RNF130: variants seen among roughly 807,000 people sequenced by gnomAD.
RNF130 encodes E3 ubiquitin-protein ligase RNF130.
RNF130 carries 21 observed loss-of-function variants against 44.6 expected under a neutral mutation model. That is an observed-to-expected ratio of 0.47 (90% CI 0.33 to 0.68). The LOEUF is 0.68. Ranked by LOEUF, RNF130 falls within the 30% of genes least tolerant of loss-of-function variation. RNF130 has a pLI of 0.02. For synonymous variants in RNF130, 214 were observed against 210.4 expected (o/e 1.02, Z -0.15); for missense variants, 479 against 560.6 (o/e 0.85, Z 1.47).
intron 5 of RNF130, among the ~76,000 whole-genome samples, chr5:179,975,566 T>G (rs1762700333): frequency 6.6e-6 from 1 of 152,182 alleles, no homozygotes; most frequent in Admixed American, 6.5e-5. Context: ...AGTGAGATGG[T>G]GTGCTGTGCT....
At chr5:179,954,781 C>A (rs940281304), downstream of RNF130, among the ~76,000 whole-genome samples, 1 of 152,162 alleles carries the variant, frequency 6.6e-6, no homozygotes, top group African/African-American at 2.4e-5. Flanking sequence ...GGAGTGAACC[C>A]GTTTTCAATA....
chr5:180,018,759 A>G (rs1210171011), intron 2 of RNF130, among the ~76,000 whole-genome samples: 1 of 152,128 alleles, frequency 6.6e-6, no homozygotes, highest in Non-Finnish European at 1.5e-5. Context: ...GCTGACCAAC[A>G]CAGTCCTGCC....
intron 3 of RNF130, among the ~76,000 whole-genome samples, chr5:180,002,937 A>ATTC (rs989132077): frequency 2.6e-5 from 4 of 152,030 alleles, no homozygotes; most frequent in Admixed American, 2.6e-4. Context: ...TATTATTATT[A>ATTC]TTAAGGAATT....
At chr5:179,967,461 T>C (rs1031229509) in intron 6 of RNF130, among the ~76,000 whole-genome samples, 1 of 152,234 alleles carries the variant, frequency 6.6e-6, no homozygotes, top group Non-Finnish European at 1.5e-5. Flanking sequence ...TTTTTAAGTA[T>C]GGTCTGCCTT....
At chr5:179,944,299 T>C (rs1054412063) in intron 7 of RNF130, among the ~76,000 whole-genome samples, 6 of 152,144 alleles carry the variant, frequency 3.9e-5, no homozygotes, top group East Asian at 1.9e-4. Context: ...GTCCTAAGTG[T>C]TCAGTGCTAT....
intron 1 of RNF130, among the ~76,000 whole-genome samples, chr5:180,056,938 A>G (rs1390373788): frequency 6.6e-6 from 1 of 152,274 alleles, no homozygotes; most frequent in African/African-American, 2.4e-5. Flanking sequence ...GATTCCATGT[A>G]TATTGTGATA....
intron 7 of RNF130, among the ~76,000 whole-genome samples, chr5:179,921,587 C>T (rs1761631955): frequency 6.6e-6 from 1 of 152,138 alleles, no homozygotes; most frequent in African/African-American, 2.4e-5. Context: ...CATTTGAGAT[C>T]AGGAGTTCAA....
intron 4 of RNF130, among the ~76,000 whole-genome samples, chr5:179,979,220 C>A (rs1762777736): frequency 6.6e-6 from 1 of 151,760 alleles, no homozygotes; most frequent in South Asian, 2.1e-4. Context: ...GAAATGCAAG[C>A]CGTTTTGATG....
At chr5:179,942,963 G>A (rs572241809) in intron 7 of RNF130, among the ~76,000 whole-genome samples, 17 of 152,308 alleles carry the variant, frequency 1.1e-4, no homozygotes, top group Non-Finnish European at 2.2e-4. Context: ...TTGAGAGGCC[G>A]AGGAGGGTGG....
At chr5:180,012,059 G>A (rs1251541164) in intron 3 of RNF130, among the ~76,000 whole-genome samples, 3 of 152,118 alleles carry the variant, frequency 2.0e-5, no homozygotes, top group Admixed American at 6.5e-5. Flanking sequence ...CACAGTCAGC[G>A]TTTGGGTGTT....
At chr5:179,946,293 G>A (rs368096388) in intron 7 of RNF130, among the ~76,000 whole-genome samples, 1 of 152,182 alleles carries the variant, frequency 6.6e-6, no homozygotes, top group Non-Finnish European at 1.5e-5. Context: ...AGCCGCGCGG[G>A]GTCTGTGTGT....
At chr5:179,982,262 G>A (rs1450223619) in intron 3 of RNF130, among the ~76,000 whole-genome samples, 2 of 151,246 alleles carry the variant, frequency 1.3e-5, no homozygotes, top group Non-Finnish European at 2.9e-5. Flanking sequence ...GTATCCCACT[G>A]AAGAGATGGC....
intron 1 of RNF130, among the ~76,000 whole-genome samples, chr5:180,048,631 CT>C (rs1360983491): frequency 6.6e-6 from 1 of 152,132 alleles, no homozygotes; most frequent in Non-Finnish European, 1.5e-5. Flanking sequence ...GAGAGAGATG[CT>C]ATCTCAAAAA....
intron 1 of RNF130, among the ~76,000 whole-genome samples, chr5:180,066,754 A>T (rs1342508592): frequency 6.6e-6 from 1 of 152,046 alleles, no homozygotes; most frequent in African/African-American, 2.4e-5. Flanking sequence ...GGAAGGCGGA[A>T]CCCGGGAGGT....
chr5:180,071,601 G>T lies in RNF130; in HGVS notation c.102C>A (p.Tyr34Ter). Reference protein sequence around the residue: ...PARADNASQEYYTALINVTVQ... With the variant: ...PARADNASQE ...CCGTCACGTTGATGAGCGCCGTGTA[G>T]TACTCCTGGCTCGCGTTGTCTGCCC... Residue 34 changes from tyrosine (Y) to a stop codon, truncating the protein, a stop_gained, in exon 1 of 9, where the codon TAC (tyrosine) becomes TAA (stop). Transcript: ENST00000521389. LOFTEE classifies it high-confidence loss of function. The T allele has an allele frequency of 6.6e-7, 1 of 1,508,060 alleles. No individual in the cohort carries two copies. Among genetic ancestry groups the T allele is most frequent in the Non-Finnish European group, 8.9e-7 (1 of 1,126,812 alleles). 93.4% of individuals were successfully genotyped at this position (1,508,060 alleles called of 1,614,324 possible). A position where few individuals can be genotyped will look rare whatever the true frequency, so the allele number is the denominator to read the frequency against.
At chr5:179,959,757 T>C (rs958240556) in intron 8 of RNF130, among the ~76,000 whole-genome samples, 2 of 152,220 alleles carry the variant, frequency 1.3e-5, no homozygotes, top group African/African-American at 4.8e-5. Context: ...AGGAGGAAGA[T>C]CACCGGGAGC....
intron 1 of RNF130, among the ~76,000 whole-genome samples, chr5:180,064,308 T>C (rs979371054): frequency 1.3e-5 from 2 of 152,174 alleles, no homozygotes; most frequent in Non-Finnish European, 2.9e-5. Flanking sequence ...GCAGATTCAT[T>C]TGCAGCAAGC....
chr5:180,032,566 T>C (rs1582205467), intron 2 of RNF130, among the ~76,000 whole-genome samples: 1 of 152,214 alleles, frequency 6.6e-6, no homozygotes, highest in African/African-American at 2.4e-5. Context: ...TGGATAACAA[T>C]TGTTTCAGCA....
intron 7 of RNF130, among the ~76,000 whole-genome samples, chr5:179,943,036 AAC>A (rs2113683754): frequency 6.6e-6 from 1 of 152,308 alleles, no homozygotes; most frequent in African/African-American, 2.4e-5. Context: ...CTCTACTAAA[AAC>A]ACAAAAATTA....
Sources: gnomAD v4.1 joint callset for allele counts (sites outside exome capture counted in the v4.1 genomes callset) on GRCh38, gnomAD v4.1.1 for gene constraint, MANE v1.5 for transcripts, NCBI Gene and HGNC (gene_info 2026-07-23, HGNC 2026-07-21) for gene names.